TOP1MT: variants seen among roughly 807,000 people sequenced by gnomAD.
The protein encoded by TOP1MT is DNA topoisomerase I, mitochondrial.
In TOP1MT, 80 loss-of-function variants were observed where a neutral mutation model predicts 73.9. That is an observed-to-expected ratio of 1.08 (90% CI 0.90 to 1.30). TOP1MT has a LOEUF of 1.30. Among genes scored for constraint, TOP1MT ranks in the 50% most tolerant of loss-of-function variants. The probability of loss-of-function intolerance (pLI) is 0.00; values close to 1 mark genes in which losing one functional copy is unlikely to be tolerated. For synonymous variants in TOP1MT, 338 were observed against 326.4 expected (o/e 1.04, Z -0.38); for missense variants, 815 against 808.0 (o/e 1.01, Z -0.10).
chr8:143,330,584 C>T (rs1816826609), intron 2 of TOP1MT, among the ~76,000 whole-genome samples: 1 of 152,186 alleles, frequency 6.6e-6, no homozygotes, highest in South Asian at 2.1e-4. Flanking sequence ...CACAGCATGG[C>T]GTGGGGGCCT....
At chr8:143,324,734 TGGC>T in intron 5 of TOP1MT, 105 bp from the exon 6 acceptor site, 4 of 1,404,790 alleles carry the variant, frequency 2.8e-6, no homozygotes, top group Non-Finnish European at 3.9e-6. Context: ...GCTATGGTGG[TGGC>T]ATGGCTCCTG....
chr8:143,309,758 G>T lies in TOP1MT; in HGVS notation c.1704-215C>A, dbSNP rs769404652. ...TCAAAGACAACCTGCTGTGGCCTAG[G>T]TGTCCACCGAGCAGGGCGCTCAGCC... On this transcript the variant is annotated intron_variant, in intron 13 of 13. Coordinates refer to ENST00000329245, the MANE Select transcript of TOP1MT (RefSeq NM_052963.3). The T allele has an allele frequency of 1.8e-5, 28 of 1,533,788 alleles. No homozygotes were observed. In the East Asian group the frequency reaches 6.6e-4, roughly 36 times the overall value.
intron 2 of TOP1MT, chr8:143,343,102 CACTA>C (rs1435837507): frequency 1.8e-5 from 8 of 442,528 alleles, no homozygotes; most frequent in African/African-American, 1.6e-4. Context: ...GAAAATCAGA[CACTA>C]AGTTCATTTG....
chr8:143,337,419 C>T (rs111700849), upstream of TOP1MT, among the ~76,000 whole-genome samples: 296 of 152,166 alleles, frequency 1.9e-3, 1 homozygote, highest in African/African-American at 6.8e-3. Flanking sequence ...AAAAAGACGG[C>T]AATACTCCCC....
chr8:143,356,960 G>A (rs1817420070), upstream of TOP1MT, among the ~76,000 whole-genome samples: 1 of 151,768 alleles, frequency 6.6e-6, no homozygotes, highest in Non-Finnish European at 1.5e-5. Flanking sequence ...TGGGTGTGGT[G>A]GCGGGCGCCT....
upstream of TOP1MT, among the ~76,000 whole-genome samples, chr8:143,345,781 G>A (rs1037269269): frequency 3.3e-5 from 5 of 152,156 alleles, no homozygotes; most frequent in African/African-American, 7.2e-5. Flanking sequence ...CCAAATCATC[G>A]ACACTTTTTC....
chr8:143,332,016 T>C (rs1194007677), intron 1 of TOP1MT, among the ~76,000 whole-genome samples: 1 of 138,204 alleles, frequency 7.2e-6, no homozygotes, highest in East Asian at 2.5e-4. Flanking sequence ...AAGGTCCCCC[T>C]CCCCAGGGCG....
intron 8 of TOP1MT, among the ~76,000 whole-genome samples, chr8:143,319,644 C>T (rs2129994146): frequency 6.6e-6 from 1 of 152,148 alleles, no homozygotes; most frequent in South Asian, 2.1e-4. Flanking sequence ...TCTACCCAGC[C>T]CTTCCCGACC....
intron 1 of TOP1MT, among the ~76,000 whole-genome samples, chr8:143,354,030 A>T (rs994051676): frequency 2.0e-5 from 3 of 150,756 alleles, no homozygotes; most frequent in African/African-American, 7.4e-5. Flanking sequence ...AAATTACCAC[A>T]GGAGCCAGAA....
chr8:143,323,046 G>GAT (rs1816557479), intron 7 of TOP1MT, among the ~76,000 whole-genome samples: 2 of 29,222 alleles, frequency 6.8e-5, no homozygotes, highest in African/African-American at 1.1e-4. Flanking sequence ...ACGCCACACA[G>GAT]GCACGCCACA....
In TOP1MT at chr8:143,324,143, C is replaced by T. The variant is rs1816638564; in HGVS notation, c.817-1G>A. On this transcript the variant is annotated splice_acceptor_variant, in intron 6 of 13. Transcript: ENST00000329245. LOFTEE classifies it high-confidence loss of function. ...CAAACTTCTGCCAAGCTGTCTCCCCCTAAACGAAGAAAATAACAGGAAAGA... is the reference window on the plus strand; with the variant it reads ...CAAACTTCTGCCAAGCTGTCTCCCCTTAAACGAAGAAAATAACAGGAAAGA... 1.2e-6 allele frequency: 2 copies of T among 1,612,918 alleles called. No individual in the cohort carries two copies. Among genetic ancestry groups the T allele is most frequent in the Non-Finnish European group, 1.7e-6 (2 of 1,179,846 alleles).
intron 1 of TOP1MT, among the ~76,000 whole-genome samples, chr8:143,334,511 G>A (rs1816937982): frequency 2.0e-5 from 3 of 152,246 alleles, no homozygotes; most frequent in East Asian, 3.8e-4. Context: ...CCCCAAATAG[G>A]GTTGGTGGGG....
rs776377796 is a variant in TOP1MT at position 143,317,982 on chromosome 8, C to G, written c.1215+36G>C. The G allele has an allele frequency of 2.5e-6, 4 of 1,611,962 alleles. No individual in the cohort carries two copies. In the African/African-American group the frequency reaches 5.3e-5, roughly 22 times the overall value. On this transcript the variant is annotated intron_variant, in intron 9 of 13. Transcript: ENST00000329245. ...CCCACGCCCTCTCACTGGGTCCTGC[C>G]GCCGCCCACTGCTGAGGAAACACGA... is the stretch of plus-strand genomic sequence containing the variant.
rs139344345 is a variant in TOP1MT, at chr8:143,341,840, T to TTCC, written c.29+1377_29+1379dup. The stretch of plus-strand genomic sequence containing the variant: ...TCCTTCTTCCTTCTTCTTCCTCTTC[T>TTCC]TCCTCCTCCTCCTCCTTCCTCTTTC... On this transcript the variant is annotated intron_variant, in intron 2 of 5. Transcript: ENST00000518007. The surrounding 1 kb of genome is among the most constrained non-coding windows in gnomAD (Gnocchi z 4.1). 0.042 allele frequency among the ~76,000 whole-genome samples: 6,236 copies of TTCC among 150,122 alleles called. 428 individuals carry two copies. Among genetic ancestry groups the TTCC allele is most frequent in the African/African-American group, 0.15 (5,923 of 39,722 alleles).
At chr8:143,324,386 C>T in intron 6 of TOP1MT, 99 bp downstream of exon 6, 1 of 1,564,022 alleles carries the variant, frequency 6.4e-7, no homozygotes. Flanking sequence ...CCCAGCCCAT[C>T]TCAGAAGCCT....
rs560066321 is a variant in TOP1MT at position 143,342,710 on chromosome 8, G to A, written c.29+510C>T. Among the ~76,000 whole-genome samples, 8 of 62,556 alleles carry A rather than the reference G, an allele frequency of 1.3e-4. 1 individual carries two copies. Among genetic ancestry groups the A allele is most frequent in the Non-Finnish European group, 2.6e-4 (8 of 31,050 alleles). 41.0% of individuals were successfully genotyped at this position (62,556 alleles called of 152,430 possible). On this transcript the variant is annotated intron_variant, in intron 2 of 5. Coordinates refer to the TOP1MT transcript ENST00000518007. The stretch of plus-strand genomic sequence containing the variant: ...TTATTATTATTAGAGACAGAGTCTC[G>A]CTGTTATTATTATTATTAGAGACAG...
Position 143,309,353 on chromosome 8 carries a change from A to G in TOP1MT, c.*88T>C. On this transcript the variant is annotated 3_prime_UTR_variant, in exon 14 of 14. Coordinates refer to ENST00000329245, the MANE Select transcript of TOP1MT (RefSeq NM_052963.3). ...TCTAGTGATGTACAAGCACTTGCAC[A>G]CATTTTATTGTACAAAATTCCCCAG... 2 of 1,416,304 alleles carry G rather than the reference A, an allele frequency of 1.4e-6. No individual in the cohort carries two copies. Among genetic ancestry groups the G allele is most frequent in the Non-Finnish European group, 1.9e-6 (2 of 1,029,130 alleles). 87.7% of individuals were successfully genotyped at this position (1,416,304 alleles called of 1,614,324 possible). A position where few individuals can be genotyped will look rare whatever the true frequency, so the allele number is the denominator to read the frequency against.
At chr8:143,354,318 G>C (rs1355507343) in intron 1 of TOP1MT, among the ~76,000 whole-genome samples, 1 of 152,080 alleles carries the variant, frequency 6.6e-6, no homozygotes, top group Non-Finnish European at 1.5e-5. Context: ...AATACTGCAG[G>C]ATTCTGTTTA....
Position 143,341,933 on chromosome 8 carries a change from CAG to C in TOP1MT, c.29+1285_29+1286del, listed in dbSNP as rs1235752481. On this transcript the variant is annotated intron_variant, in intron 2 of 5. Transcript: ENST00000518007. The surrounding 1 kb of genome is among the most constrained non-coding windows in gnomAD (Gnocchi z 4.1). ...TCTGTTATTATTATTATTATTGAGA[CAG>C]AGTCTCGCTCTGTTATTATTATTAT... Among the ~76,000 whole-genome samples, 3 of 150,900 alleles carry C rather than the reference CAG, an allele frequency of 2.0e-5. No individual in the cohort carries two copies. Among genetic ancestry groups the C allele is most frequent in the Admixed American group, 6.6e-5 (1 of 15,212 alleles).
Sources: allele counts gnomAD v4.1 joint callset (sites outside exome capture counted in the v4.1 genomes callset), GRCh38; gene constraint gnomAD v4.1.1; non-coding constraint Gnocchi (gnomAD v3.1); transcripts MANE v1.5; gene names NCBI Gene and HGNC (gene_info 2026-07-23, HGNC 2026-07-21).